The following CCPG1 variants were observed in gnomAD, a reference collection of about 807,000 sequenced individuals.
CCPG1 encodes cell cycle progression 1, also known as cell cycle progression protein 1.
CCPG1 carries 46 observed loss-of-function variants against 81.3 expected under a neutral mutation model. The observed-to-expected ratio is 0.57, with a 90% CI of 0.45 to 0.72. CCPG1 has a LOEUF of 0.72. CCPG1 is among the 30% of genes least tolerant of loss of function. CCPG1 has a pLI of 0.00. For synonymous variants in CCPG1, 330 were observed against 305.2 expected (o/e 1.08, Z -0.85); for missense variants, 902 against 937.6 (o/e 0.96, Z 0.50).
intron 1 of CCPG1, among the ~76,000 whole-genome samples, chr15:55,393,499 C>T (rs1270627412): frequency 1.3e-5 from 2 of 151,906 alleles, no homozygotes; most frequent in African/African-American, 4.8e-5. Context: ...CTGTGGGATG[C>T]AAGGAAGCAA....
At chr15:55,390,415 T>C (rs1312734009) in intron 1 of CCPG1, among the ~76,000 whole-genome samples, 1 of 150,090 alleles carries the variant, frequency 6.7e-6, no homozygotes, top group African/African-American at 2.4e-5. Flanking sequence ...CCTTTAAACT[T>C]CAAAACCCAA....
intron 8 of CCPG1, chr15:55,357,026 C>T (rs515341): frequency 0.4 from 397,389 of 984,440 alleles, 86,463 homozygotes; most frequent in African/African-American, 0.81. Context: ...CTCCCCACTC[C>T]TGTCCTTAGC....
chr15:55,386,283 CTA>C (rs1453842317), intron 2 of CCPG1, among the ~76,000 whole-genome samples: 1 of 151,498 alleles, frequency 6.6e-6, no homozygotes, highest in African/African-American at 2.4e-5. Context: ...TATTATGGCA[CTA>C]TAAACTAAAA....
chr15:55,380,600 T>C (rs2056667757), intron 3 of CCPG1, among the ~76,000 whole-genome samples: 2 of 151,940 alleles, frequency 1.3e-5, no homozygotes, highest in African/African-American at 4.8e-5. Flanking sequence ...CGGTCGATCA[T>C]GCATTTCTTA....
At chr15:55,364,868 A>G (rs922267251) in intron 7 of CCPG1, among the ~76,000 whole-genome samples, 4 of 152,168 alleles carry the variant, frequency 2.6e-5, no homozygotes, top group African/African-American at 4.8e-5. Context: ...GCGAGACTCC[A>G]TCTCAAATAA....
intron 1 of CCPG1, among the ~76,000 whole-genome samples, 164 bp from the exon 2 acceptor site, chr15:55,389,597 C>A (rs2056874726): frequency 6.6e-6 from 1 of 152,138 alleles, no homozygotes; most frequent in African/African-American, 2.4e-5. Context: ...GACTGCATAC[C>A]TGTATGAACA....
intron 1 of CCPG1, among the ~76,000 whole-genome samples, chr15:55,404,467 C>A (rs1232892546): frequency 6.6e-6 from 1 of 152,012 alleles, no homozygotes; most frequent in Non-Finnish European, 1.5e-5. Context: ...ATAACCATAA[C>A]AAAAAATAAA....
chr15:55,364,749 T>C (rs1049630309), intron 7 of CCPG1, among the ~76,000 whole-genome samples: 4 of 150,596 alleles, frequency 2.7e-5, no homozygotes, highest in African/African-American at 7.3e-5. Context: ...GGTGCACACC[T>C]GTAATCCCAG....
intron 1 of CCPG1, among the ~76,000 whole-genome samples, chr15:55,390,604 T>G (rs897332806): frequency 7.9e-5 from 12 of 152,052 alleles, no homozygotes; most frequent in Admixed American, 2.0e-4. Context: ...AATCTGTTTT[T>G]GGGGGTTTTG....
chr15:55,375,180 A>G (rs1890468323), intron 5 of CCPG1, among the ~76,000 whole-genome samples: 1 of 152,230 alleles, frequency 6.6e-6, no homozygotes. Flanking sequence ...TCTTAGAACT[A>G]TACAACTTCC....
chr15:55,359,260 T>C lies in CCPG1; in HGVS notation c.2234+279A>G, dbSNP rs112004783. ...AAACTATAATGAAAAGAAACAAACT[T>C]GGCCAAAGTAGGATTTTATATATTC... On this transcript the variant is annotated intron_variant, in intron 8 of 8. Transcript: ENST00000442196. 46 of 1,102,528 alleles carry C rather than the reference T, an allele frequency of 4.2e-5. 1 individual carries two copies. In the African/African-American group the frequency reaches 6.5e-4, roughly 16 times the overall value. 68.3% of individuals were successfully genotyped at this position (1,102,528 alleles called of 1,614,324 possible). A position where few individuals can be genotyped will look rare whatever the true frequency, so the allele number is the denominator to read the frequency against.
At chr15:55,393,040 G>C (rs1326588919) in intron 1 of CCPG1, among the ~76,000 whole-genome samples, 1 of 152,194 alleles carries the variant, frequency 6.6e-6, no homozygotes, top group Non-Finnish European at 1.5e-5. Context: ...GGAGGCGGAT[G>C]TTGCGGTGAG....
intron 3 of CCPG1, among the ~76,000 whole-genome samples, chr15:55,384,948 T>A (rs1158840945): frequency 6.6e-6 from 1 of 152,204 alleles, no homozygotes; most frequent in East Asian, 1.9e-4. Flanking sequence ...ACTTTAATAA[T>A]GACAAGTAAA....
At chr15:55,401,665 CAAAA>C (rs59999532) in intron 1 of CCPG1, among the ~76,000 whole-genome samples, 1 of 138,310 alleles carries the variant, frequency 7.2e-6, no homozygotes, top group African/African-American at 2.6e-5. Context: ...AACTCCGTCT[CAAAA>C]AAAAAAAAAA....
chr15:55,355,368 G>C lies in CCPG1; in HGVS notation c.*852C>G. 6.2e-7 allele frequency: 1 copy of C among 1,611,814 alleles called. No homozygotes were observed. On this transcript the variant is annotated 3_prime_UTR_variant, in exon 9 of 9. Transcript: ENST00000442196. The stretch of plus-strand genomic sequence containing the variant: ...ACTCACTTGCCAGAGGGTCGAATTG[G>C]AAGTCACATATATGTCTATGAACGG...
At chr15:55,364,238 C>A (rs1478886136) in intron 7 of CCPG1, among the ~76,000 whole-genome samples, 1 of 150,514 alleles carries the variant, frequency 6.6e-6, no homozygotes, top group African/African-American at 2.4e-5. Flanking sequence ...ATGGACAGTA[C>A]AGTCCTGTGA....
intron 5 of CCPG1, among the ~76,000 whole-genome samples, chr15:55,375,759 A>G (rs1232581571): frequency 2.0e-5 from 3 of 151,292 alleles, no homozygotes; most frequent in African/African-American, 4.9e-5. Flanking sequence ...CAGTGGCGCA[A>G]TCTCAGCTCA....
chr15:55,405,362 C>T (rs1437112828), intron 1 of CCPG1, among the ~76,000 whole-genome samples: 1 of 149,960 alleles, frequency 6.7e-6, no homozygotes, highest in Non-Finnish European at 1.5e-5. Flanking sequence ...AACTCCGTCT[C>T]AAAAAAAAAT....
chr15:55,391,887 A>AAAGG (rs1555409781), intron 1 of CCPG1, among the ~76,000 whole-genome samples: 1 of 44,750 alleles, frequency 2.2e-5, no homozygotes, highest in African/African-American at 7.1e-5. Context: ...AAAAAAAAAA[A>AAAGG]GGGGGGGGGG....
Sources: allele counts gnomAD v4.1 joint callset (sites outside exome capture counted in the v4.1 genomes callset), GRCh38; gene constraint gnomAD v4.1.1; transcripts MANE v1.5; gene names NCBI Gene and HGNC (gene_info 2026-07-23, HGNC 2026-07-21).